Variants in PARP14 observed in about 807,000 individuals in gnomAD.
The protein encoded by PARP14 is poly(ADP-ribose) polymerase family member 14.
A neutral mutation model predicts 154.2 loss-of-function variants in PARP14; 59 were observed. That is an observed-to-expected ratio of 0.38 (90% CI 0.31 to 0.48). PARP14 has a LOEUF of 0.48. PARP14 is among the 20% of genes least tolerant of loss of function. The pLI, the probability that PARP14 is intolerant of heterozygous loss-of-function variation, is 0.98. For synonymous variants in PARP14, 720 were observed against 780.5 expected (o/e 0.92, Z 1.29); for missense variants, 1,734 against 2,131.6 (o/e 0.81, Z 3.67).
Position 122,681,880 on chromosome 3 carries a change from CAGA to C in PARP14, c.187+812_187+814del, listed in dbSNP as rs1397171984. Among the ~76,000 whole-genome samples, 3 of 152,166 alleles carry C rather than the reference CAGA, an allele frequency of 2.0e-5. No homozygotes were observed. On this transcript the variant is annotated intron_variant, in intron 1 of 16. Coordinates refer to ENST00000474629, the MANE Select transcript of PARP14 (RefSeq NM_017554.3). This position sits in a 1 kb window ranked among gnomAD's most constrained non-coding sequence, Gnocchi z 5.5. ...TGGGAAGCCAGTGACCTGCAGCTCC[CAGA>C]ATGGGCACCTTTTCCACTGGCATCT...
At chr3:122,696,443 GT>G (rs1346617249) in intron 5 of PARP14, among the ~76,000 whole-genome samples, 1 of 152,122 alleles carries the variant, frequency 6.6e-6, no homozygotes, top group Admixed American at 6.5e-5. Context: ...TCCCAACTCA[GT>G]TTTCATGTGT....
Position 122,728,571 on chromosome 3 carries a change from G to C in PARP14, c.5380G>C (p.Glu1794Gln), listed in dbSNP as rs1255175405. 6.2e-7 allele frequency: 1 copy of C among 1,613,016 alleles called. No individual in the cohort carries two copies. The highest frequency in any genetic ancestry group is 8.5e-7 in the Non-Finnish European group (1 of 1,179,256). The part of the protein sequence containing the change: ...VAFYDYQAYP[E>Q]YLITFRK ...ATTTTATGACTACCAAGCATACCCA[G>C]AGTACCTTATTACGTTTAGAAAATA... is the stretch of plus-strand genomic sequence containing the variant. Residue 1794 changes from glutamate (E) to glutamine (Q), a missense_variant, in exon 17 of 17, where the codon GAG becomes CAG. Physicochemically the swap from Glu to Gln is conservative, Grantham distance 29 (BLOSUM62 2). Transcript: ENST00000474629.
At position 122,713,407 on chromosome 3, in the gene PARP14, A is replaced by G; in HGVS notation, c.3620-17A>G. On this transcript the variant is annotated splice_polypyrimidine_tract_variant and intron_variant, in intron 9 of 16. Coordinates refer to ENST00000474629, the MANE Select transcript of PARP14 (RefSeq NM_017554.3). ...TGTGGCTGACTCGGTTATTGACTTT[A>G]CTTCTTTTCTTTTCAGGTTTTTATG... The G allele has an allele frequency of 6.2e-7, 1 of 1,603,506 alleles. No homozygotes were observed. The highest frequency in any genetic ancestry group is 8.5e-7 in the Non-Finnish European group (1 of 1,173,112).
chr3:122,692,081 C>T (rs35050859), intron 3 of PARP14, among the ~76,000 whole-genome samples: 18,351 of 151,988 alleles, frequency 0.12, 1,252 homozygotes, highest in Admixed American at 0.15. Flanking sequence ...CCTATTTTGT[C>T]AAAATGAAAA....
chr3:122,700,147 G>A lies in PARP14; in HGVS notation c.1593G>A (p.Met531Ile). ...AAATCCAGGAAAAGGTGTACACCAT[G>A]GCTCAGAAAAACATTCAGGTTTCTC... ...KCEIQEKVYT[M>I]AQKNIQVSPE... is the part of the protein sequence containing the mutation. The change falls in exon 6 of 17, where the codon ATG (methionine) becomes ATA (isoleucine). Residue 531 changes from methionine (M) to isoleucine (I), a missense_variant. This residue lies in a region of PARP14 where 1,646 missense variants were observed against 1,976.0 expected (regional missense o/e 0.83). Transcript: ENST00000474629. 1.2e-6 allele frequency: 2 copies of A among 1,613,448 alleles called. No individual in the cohort carries two copies. The highest frequency in any genetic ancestry group is 1.7e-6 in the Non-Finnish European group (2 of 1,179,628).
At chr3:122,695,716 G>A in intron 5 of PARP14, 54 bp downstream of exon 5, 1 of 778,864 alleles carries the variant, frequency 1.3e-6, no homozygotes, top group Non-Finnish European at 2.2e-6. Context: ...TATTAGCAGA[G>A]CTTAATAGTT....
At chr3:122,686,207 G>A (rs759886838) in intron 2 of PARP14, among the ~76,000 whole-genome samples, 68 of 151,742 alleles carry the variant, frequency 4.5e-4, no homozygotes, top group Non-Finnish European at 8.0e-4. Context: ...AGGCTGGAGT[G>A]CAGTGGCATG....
chr3:122,728,234 A>G lies in PARP14; in HGVS notation c.5117-74A>G. On this transcript the variant is annotated intron_variant, in intron 16 of 16. Transcript: ENST00000474629. Reference sequence around the variant, plus strand: ...TAAGAGAGGCTTTAGAAAGAACATTATTTAACAGATTGGGCCAACATATCA... The same window carrying G: ...TAAGAGAGGCTTTAGAAAGAACATTGTTTAACAGATTGGGCCAACATATCA... 2.3e-6 allele frequency: 3 copies of G among 1,312,868 alleles called. No homozygotes were observed. The Admixed American group carries it at 5.9e-5, about 26-fold the overall frequency. 81.3% of individuals were successfully genotyped at this position (1,312,868 alleles called of 1,614,324 possible). A position where few individuals can be genotyped will look rare whatever the true frequency, so the allele number is the denominator to read the frequency against.
At position 122,728,500 on chromosome 3, in the gene PARP14, A is replaced by G; in HGVS notation, c.5309A>G (p.Tyr1770Cys). The change falls in exon 17 of 17, where the codon TAT becomes TGT. Residue 1770 changes from tyrosine to cysteine, a missense_variant. Coordinates refer to ENST00000474629, the MANE Select transcript of PARP14 (RefSeq NM_017554.3). ...AACCCTCAAAATCCTACTGACCTGT[A>G]TGACACTGTCACAGATAATGTGCAC... ...SKNPQNPTDL[Y>C]DTVTDNVHHP... 2 of 1,613,684 alleles carry G rather than the reference A, an allele frequency of 1.2e-6. No homozygotes were observed. Among genetic ancestry groups the G allele is most frequent in the Non-Finnish European group, 1.7e-6 (2 of 1,179,614 alleles).
rs757641814 is a variant in PARP14 at position 122,718,500 on chromosome 3, T to C, written c.4349T>C (p.Ile1450Thr). The change falls in exon 14 of 17, where the codon ATT becomes ACT. Residue 1450 changes from isoleucine to threonine, a missense_variant. Ile to Thr is a moderately conservative substitution (Grantham distance 89, BLOSUM62 -1). This residue lies in a region of PARP14 where 1,646 missense variants were observed against 1,976.0 expected (regional missense o/e 0.83). Coordinates refer to ENST00000474629, the MANE Select transcript of PARP14 (RefSeq NM_017554.3). ...GCTATCTCCTGGCTACAAGACCTGA[T>C]TGAAAAAGAACAGTGTCCTTACACC... ...EYAISWLQDL[I>T]EKEQCPYTSE... is the part of the protein sequence containing the mutation. 5 of 1,613,830 alleles carry C rather than the reference T, an allele frequency of 3.1e-6. No individual in the cohort carries two copies. In the South Asian group the frequency reaches 3.3e-5, roughly 11 times the overall value.
At chr3:122,723,107 T>G (rs919121361) in intron 15 of PARP14, among the ~76,000 whole-genome samples, 1 of 151,996 alleles carries the variant, frequency 6.6e-6, no homozygotes, top group African/African-American at 2.4e-5. Context: ...GGCTAATTTT[T>G]TTTTGTATTT....
intron 6 of PARP14, among the ~76,000 whole-genome samples, chr3:122,702,227 A>AT (rs918085494): frequency 3.5e-4 from 53 of 151,850 alleles, no homozygotes; most frequent in African/African-American, 1.1e-3. Context: ...TTTTCTTTTT[A>AT]TTTTTTTGAG....
At chr3:122,728,136 C>T in intron 16 of PARP14, 150 bp downstream of exon 16, 1 of 933,324 alleles carries the variant, frequency 1.1e-6, no homozygotes, top group Non-Finnish European at 1.6e-6. Flanking sequence ...GTATTTCATC[C>T]CAAAGGGGAT....
At chr3:122,716,904 C>CA (rs1933016228) in intron 12 of PARP14, among the ~76,000 whole-genome samples, 1 of 152,196 alleles carries the variant, frequency 6.6e-6, no homozygotes, top group South Asian at 2.1e-4. Flanking sequence ...TTCATCCCCG[C>CA]ATATCACATC....
At chr3:122,706,989 A>G (rs911617367) in intron 8 of PARP14, among the ~76,000 whole-genome samples, 1 of 152,236 alleles carries the variant, frequency 6.6e-6, no homozygotes, top group African/African-American at 2.4e-5. Flanking sequence ...TGTAGTTTTT[A>G]CAATTGGCAA....
At position 122,700,598 on chromosome 3, in the gene PARP14, G is replaced by A; in HGVS notation, c.2044G>A (p.Val682Ile). The A allele has an allele frequency of 6.3e-7, 1 of 1,599,076 alleles. No individual in the cohort carries two copies. The highest frequency in any genetic ancestry group is 8.5e-7 in the Non-Finnish European group (1 of 1,172,078). Residue 682 changes from valine (V) to isoleucine (I), a missense_variant, in exon 6 of 17, where the codon GTT becomes ATT. By Grantham distance (29) the Val-to-Ile change is conservative (BLOSUM62 3). Transcript: ENST00000474629. ...ERLVEVKPSL[V>I]IDYLKTEKKL... ...ACTGGTTGAAGTAAAGCCTTCCTTAGTTATTGACTATTTAAAGACAGAAAA... is the reference window on the plus strand; with the variant it reads ...ACTGGTTGAAGTAAAGCCTTCCTTAATTATTGACTATTTAAAGACAGAAAA...
chr3:122,713,535 T>C lies in PARP14; in HGVS notation c.3731T>C (p.Ile1244Thr), dbSNP rs1422339692. 1.9e-6 allele frequency: 3 copies of C among 1,613,744 alleles called. No individual in the cohort carries two copies. Among genetic ancestry groups the C allele is most frequent in the Non-Finnish European group, 2.5e-6 (3 of 1,179,686 alleles). The change falls in exon 10 of 17, where the codon ATT becomes ACT. Residue 1244 changes from isoleucine (I) to threonine (T), a missense_variant. Around this residue, in one of 2 missense-constraint regions of PARP14, gnomAD observed 1,646 missense variants for 1,976.0 expected, o/e 0.83. Coordinates refer to ENST00000474629, the MANE Select transcript of PARP14 (RefSeq NM_017554.3). ...GDITKEEADV[I>T]VNSTSNSFNL... ...ATCACGAAAGAAGAGGCAGATGTGA[T>C]TGTAAATTCAACATCAAACTCATTC...
intron 15 of PARP14, among the ~76,000 whole-genome samples, chr3:122,724,789 T>G (rs940174126): frequency 1.3e-5 from 2 of 152,106 alleles, no homozygotes; most frequent in Non-Finnish European, 2.9e-5. Context: ...TAGGCAGAGA[T>G]CCCTGCGGCC....
At position 122,681,118 on chromosome 3, in the gene PARP14, C is replaced by T. The variant is rs757976762; in HGVS notation, c.187+48C>T. On this transcript the variant is annotated intron_variant, in intron 1 of 16. Transcript: ENST00000474629. The surrounding 1 kb of genome is among the most constrained non-coding windows in gnomAD (Gnocchi z 5.5). ...TGAGGAGGGGGCACCTCTGCCCTCCCTCCAGGGAAATGGCGGCAGGGCACG... is the reference window on the plus strand; with the variant it reads ...TGAGGAGGGGGCACCTCTGCCCTCCTTCCAGGGAAATGGCGGCAGGGCACG... 7 of 1,463,068 alleles carry T rather than the reference C, an allele frequency of 4.8e-6. No individual in the cohort carries two copies. In the African/African-American group the frequency reaches 9.8e-5, roughly 20 times the overall value. 90.6% of individuals were successfully genotyped at this position (1,463,068 alleles called of 1,614,324 possible).
Sources: gnomAD v4.1 joint callset for allele counts (sites outside exome capture counted in the v4.1 genomes callset) on GRCh38, gnomAD v4.1.1 for gene constraint, gnomAD v4.1.1 regional missense constraint, Gnocchi (gnomAD v3.1) non-coding constraint, MANE v1.5 for transcripts, NCBI Gene and HGNC (gene_info 2026-07-23, HGNC 2026-07-21) for gene names.